SHISA6: variants seen among roughly 807,000 people sequenced by gnomAD.
SHISA6 encodes the protein protein shisa-6.
A neutral mutation model predicts 47.9 loss-of-function variants in SHISA6; 22 were observed. The observed-to-expected ratio is 0.46, with a 90% confidence interval of 0.33 to 0.66. The LOEUF is 0.66. SHISA6 is among the 30% of genes least tolerant of loss of function. The pLI is 0.02. For synonymous variants in SHISA6, 388 were observed against 337.8 expected, an observed-to-expected ratio of 1.15 and a Z score of -1.63; for missense variants, 680 against 764.6, an observed-to-expected ratio of 0.89 and a Z score of 1.30.
intron 3 of SHISA6, among the ~76,000 whole-genome samples, chr17:11,396,176 T>G (rs1913567253): frequency 6.6e-6 from 1 of 152,216 alleles, no homozygotes; most frequent in Non-Finnish European, 1.5e-5. Flanking sequence ...TGTTTTTTTG[T>G]TTTATAATTT....
intron 3 of SHISA6, among the ~76,000 whole-genome samples, chr17:11,522,253 C>T (rs1377763726): frequency 6.6e-6 from 1 of 151,924 alleles, no homozygotes; most frequent in Non-Finnish European, 1.5e-5. Context: ...GCGTGAGTCA[C>T]CATGCCTGGC....
chr17:11,546,478 A>G (rs558893598), intron 3 of SHISA6, among the ~76,000 whole-genome samples: 1 of 152,374 alleles, frequency 6.6e-6, no homozygotes, highest in South Asian at 2.1e-4. Flanking sequence ...TGTGTCATCA[A>G]AAGATAAGCA....
At chr17:11,341,456 T>C (rs1911527242) in intron 2 of SHISA6, among the ~76,000 whole-genome samples, 1 of 148,932 alleles carries the variant, frequency 6.7e-6, no homozygotes, top group African/African-American at 2.5e-5. Flanking sequence ...TGCCTCAGCC[T>C]CCTGAGTTGG....
At chr17:11,357,695 T>A (rs1912121985) in intron 2 of SHISA6, among the ~76,000 whole-genome samples, 1 of 152,240 alleles carries the variant, frequency 6.6e-6, no homozygotes, top group Admixed American at 6.5e-5. Context: ...CAGCCTTTCC[T>A]CTGTTGATCA....
At chr17:11,326,030 G>T (rs1488372479) in intron 2 of SHISA6, among the ~76,000 whole-genome samples, 3 of 152,220 alleles carry the variant, frequency 2.0e-5, no homozygotes, top group Non-Finnish European at 4.4e-5. Flanking sequence ...CAGCAGTTTG[G>T]GAGGCCAAGG....
chr17:11,256,530 C>T (rs544943565), intron 1 of SHISA6, among the ~76,000 whole-genome samples: 67 of 152,240 alleles, frequency 4.4e-4, no homozygotes, highest in African/African-American at 1.6e-3. Flanking sequence ...CCAACAATCA[C>T]AAGAATCGTA....
At chr17:11,430,661 C>T (rs1450815049) in intron 3 of SHISA6, among the ~76,000 whole-genome samples, 1 of 152,104 alleles carries the variant, frequency 6.6e-6, no homozygotes, top group Non-Finnish European at 1.5e-5. Context: ...CTCACCTTTA[C>T]CTTGGCTGAC....
At chr17:11,557,716 C>G in intron 5 of SHISA6, 38 bp from the exon 6 acceptor site, 3 of 1,503,034 alleles carry the variant, frequency 2.0e-6, no homozygotes, top group East Asian at 2.5e-5. Flanking sequence ...TGCAGGGTCA[C>G]CCCAGTTGCC....
chr17:11,462,239 A>G (rs1265332998), intron 3 of SHISA6, among the ~76,000 whole-genome samples: 1 of 152,194 alleles, frequency 6.6e-6, no homozygotes, highest in African/African-American at 2.4e-5. Context: ...TCTGTAAAGT[A>G]TGCCCTGAAG....
chr17:11,244,201 A>T (rs900041730), intron 1 of SHISA6, among the ~76,000 whole-genome samples: 5 of 152,086 alleles, frequency 3.3e-5, no homozygotes, highest in African/African-American at 1.2e-4. Flanking sequence ...CAAATATGGG[A>T]TGTTTCCCCC....
At chr17:11,433,243 CA>C in intron 3 of SHISA6, among the ~76,000 whole-genome samples, 1 of 152,092 alleles carries the variant, frequency 6.6e-6, no homozygotes, top group South Asian at 2.1e-4. Flanking sequence ...GCCCCCCACC[CA>C]CCGACAGGCC....
intron 3 of SHISA6, among the ~76,000 whole-genome samples, chr17:11,401,169 C>G (rs1001469491): frequency 6.6e-6 from 1 of 152,118 alleles, no homozygotes; most frequent in African/African-American, 2.4e-5. Flanking sequence ...GGACACTTGG[C>G]CTTATTCCAG....
At chr17:11,456,707 G>T (rs1039535742) in intron 3 of SHISA6, among the ~76,000 whole-genome samples, 1 of 152,126 alleles carries the variant, frequency 6.6e-6, no homozygotes, top group Non-Finnish European at 1.5e-5. Context: ...GGGCTGGACC[G>T]CCCCCCTCTG....
At chr17:11,460,757 C>A (rs142124106) in intron 3 of SHISA6, among the ~76,000 whole-genome samples, 1 of 152,126 alleles carries the variant, frequency 6.6e-6, no homozygotes, top group African/African-American at 2.4e-5. Flanking sequence ...GAGGCCAAGG[C>A]GACATTGGGG....
At chr17:11,401,402 T>C (rs758606977) in intron 3 of SHISA6, among the ~76,000 whole-genome samples, 5 of 152,210 alleles carry the variant, frequency 3.3e-5, no homozygotes, top group Non-Finnish European at 7.3e-5. Context: ...TTTCACCATG[T>C]TGCCCAGGCT....
At chr17:11,245,266 G>A (rs139444269) in intron 1 of SHISA6, among the ~76,000 whole-genome samples, 142 of 152,304 alleles carry the variant, frequency 9.3e-4, no homozygotes, top group Admixed American at 3.2e-3. Context: ...AGAGCCCCAG[G>A]GCAGCCGTGC....
At chr17:11,452,077 ACCACGGACAT>A (rs1488747390) in intron 3 of SHISA6, among the ~76,000 whole-genome samples, 1 of 152,212 alleles carries the variant, frequency 6.6e-6, no homozygotes, top group Non-Finnish European at 1.5e-5. Flanking sequence ...AGGAGACAGG[ACCACGGACAT>A]GGAGAATAAG....
chr17:11,464,757 A>G (rs1479356210), intron 3 of SHISA6, among the ~76,000 whole-genome samples: 1 of 152,204 alleles, frequency 6.6e-6, no homozygotes, highest in Non-Finnish European at 1.5e-5. Flanking sequence ...AGCCTGGCCA[A>G]CATGGTGAAA....
chr17:11,342,894 C>T (rs563636637), intron 2 of SHISA6, among the ~76,000 whole-genome samples: 1 of 152,254 alleles, frequency 6.6e-6, no homozygotes, highest in African/African-American at 2.4e-5. Flanking sequence ...CACATTTCTC[C>T]AGATACAGAA....
Sources: allele counts gnomAD v4.1 joint callset (sites outside exome capture counted in the v4.1 genomes callset), GRCh38; gene constraint gnomAD v4.1.1; transcripts MANE v1.5; gene names NCBI Gene and HGNC (gene_info 2026-07-23, HGNC 2026-07-21).